Variants in SMG1 observed in about 807,000 individuals in gnomAD.
The protein encoded by SMG1 is serine/threonine-protein kinase SMG1.
SMG1 carries 22 observed loss-of-function variants against 419.9 expected under a neutral mutation model. That is an observed-to-expected ratio of 0.05 (90% confidence interval 0.04 to 0.07). The LOEUF (loss-of-function observed/expected upper bound fraction) is 0.07, where lower values mean the gene tolerates loss of function less well. Ranked by LOEUF, SMG1 falls within the 10% of genes least tolerant of loss-of-function variation. SMG1 has a pLI of 1.00. For missense variants in SMG1, 3,185 were observed against 4,342.0 expected (o/e 0.73, Z 7.49); for synonymous variants, 1,538 against 1,553.5 (o/e 0.99, Z 0.23).
At chr16:18,924,358 A>C (rs2038309727) in intron 1 of SMG1, among the ~76,000 whole-genome samples, 1 of 152,186 alleles carries the variant, frequency 6.6e-6, no homozygotes, top group Non-Finnish European at 1.5e-5. Flanking sequence ...TACCAACTAC[A>C]ATTTACACTT....
Position 18,900,168 on chromosome 16 carries a change from A to G in SMG1, c.93-3212T>C, listed in dbSNP as rs1321721041. On this transcript the variant is annotated intron_variant, in intron 1 of 62. Transcript: ENST00000446231. ...TTGAACTATGGTCCCATTAGGGTTC[A>G]TACATTAAAGCAAAAATTGAGGTGG... is the stretch of plus-strand genomic sequence containing the variant. The G allele has an allele frequency of 3.1e-5, 17 of 550,870 alleles. No individual in the cohort carries two copies. The East Asian group carries it at 4.3e-4, about 14-fold the overall frequency. 34.1% of individuals were successfully genotyped at this position (550,870 alleles called of 1,614,324 possible).
intron 28 of SMG1, 79 bp from the exon 29 acceptor site, chr16:18,858,369 C>T (rs1183748966): frequency 1.1e-5 from 14 of 1,313,380 alleles, no homozygotes; most frequent in East Asian, 7.4e-5. Flanking sequence ...GTCTTAAGTC[C>T]AAGACTGCAA....
Position 18,858,269 on chromosome 16 carries a change from T to C in SMG1, c.4135A>G (p.Ser1379Gly), listed in dbSNP as rs758638658. The part of the protein sequence containing the change: ...STEDCLIPLF[S>G]EALRSCKQHD... ...TGTTTACATGAACGTAAAGCTTCACTGAAGAGTGGAATAAGACAGTCCTGC... is the reference window on the plus strand; with the variant it reads ...TGTTTACATGAACGTAAAGCTTCACCGAAGAGTGGAATAAGACAGTCCTGC... Residue 1379 changes from serine (S) to glycine (G), a missense_variant, in exon 29 of 63, where the codon AGT becomes GGT. Transcript: ENST00000446231. 3.8e-5 allele frequency: 61 copies of C among 1,604,136 alleles called. No homozygotes were observed. The highest frequency in any genetic ancestry group is 4.4e-5 in the Non-Finnish European group (52 of 1,176,900).
At position 18,877,156 on chromosome 16, in the gene SMG1, A is replaced by G. The variant is rs1404366898; in HGVS notation, c.1595T>C (p.Phe532Ser). 2.6e-6 allele frequency: 4 copies of G among 1,555,166 alleles called. No homozygotes were observed. In the South Asian group the frequency reaches 4.6e-5, roughly 18 times the overall value. The change falls in exon 12 of 63, where the codon TTC becomes TCC. Residue 532 changes from phenylalanine (F) to serine (S), a missense_variant. Coordinates refer to ENST00000446231, the MANE Select transcript of SMG1 (RefSeq NM_015092.5). ...KLFIPSSKLLFLRYHKEKEVV... is the reference protein window; with the variant it reads ...KLFIPSSKLLSLRYHKEKEVV... ...CTCTTTTTCTTTATGATAACGCAAGAATAGTAGTTTAGATGATGGTATAAA... is the reference window on the plus strand; with the variant it reads ...CTCTTTTTCTTTATGATAACGCAAGGATAGTAGTTTAGATGATGGTATAAA...
Position 18,834,299 on chromosome 16 carries a change from G to T in SMG1, c.8470C>A (p.Gln2824Lys). 1 of 1,612,512 alleles carries T rather than the reference G, an allele frequency of 6.2e-7. No homozygotes were observed. Among genetic ancestry groups the T allele is most frequent in the Non-Finnish European group, 8.5e-7 (1 of 1,179,298 alleles). ...AAGTCCTGTGGCACCAGGTGGCACT[G>T]CTTCAGTAACTGAACCAAGCAGGTG... ...NVTCLVQLLK[Q>K]CHLVPQDLDI... Residue 2824 changes from glutamine (Q) to lysine (K), a missense_variant, in exon 50 of 63, where the codon CAG (glutamine) becomes AAG (lysine). Transcript: ENST00000446231.
At chr16:18,810,263 T>G (rs1348588265) in intron 62 of SMG1, among the ~76,000 whole-genome samples, 1 of 152,194 alleles carries the variant, frequency 6.6e-6, no homozygotes, top group Non-Finnish European at 1.5e-5. Flanking sequence ...TGTAAAATAC[T>G]GAGAAAGAAA....
At chr16:18,924,882 T>G (rs1486474470) in intron 1 of SMG1, 1 of 152,232 alleles carries the variant, frequency 6.6e-6, no homozygotes, top group Non-Finnish European at 1.5e-5. Context: ...TTCCAAATAC[T>G]GCTGGAATTA....
In SMG1 at chr16:18,926,065, C is replaced by G. The variant is rs760020117; in HGVS notation, c.-24G>C. ...ATTACCTTCCCCGACACGACATGGC[C>G]AAGCGCCGCCGCCCAAAGAAGCGCG... is the stretch of plus-strand genomic sequence containing the variant. On this transcript the variant is annotated 5_prime_UTR_variant, in exon 1 of 63. Coordinates refer to ENST00000446231, the MANE Select transcript of SMG1 (RefSeq NM_015092.5). 28 of 1,549,100 alleles carry G rather than the reference C, an allele frequency of 1.8e-5. No homozygotes were observed. Among genetic ancestry groups the G allele is most frequent in the Admixed American group, 5.6e-5 (3 of 53,612 alleles).
chr16:18,828,271 C>G (rs1200056776), intron 54 of SMG1, 103 bp from the exon 55 acceptor site: 2 of 1,165,804 alleles, frequency 1.7e-6, no homozygotes, highest in Non-Finnish European at 2.4e-6. Flanking sequence ...AGAAAAAAAT[C>G]CCAGCTGCAG....
chr16:18,821,217 G>GTT (rs2032501770), intron 55 of SMG1, among the ~76,000 whole-genome samples: 4 of 31,736 alleles, frequency 1.3e-4, no homozygotes, highest in African/African-American at 4.2e-4. Context: ...TATTTAGTAT[G>GTT]TTTCTTTTTT....
intron 6 of SMG1, among the ~76,000 whole-genome samples, chr16:18,886,855 T>C (rs1415874660): frequency 6.6e-6 from 1 of 152,182 alleles, no homozygotes; most frequent in Admixed American, 6.5e-5. Flanking sequence ...TGTTATAATC[T>C]ACACAGGCAC....
intron 1 of SMG1, among the ~76,000 whole-genome samples, chr16:18,904,502 G>T (rs1312098510): frequency 6.6e-6 from 1 of 151,702 alleles, no homozygotes; most frequent in Non-Finnish European, 1.5e-5. Flanking sequence ...CCTGCGTGTG[G>T]TGGCACGCAC....
At chr16:18,894,313 G>T (rs1410633194) in intron 3 of SMG1, among the ~76,000 whole-genome samples, 1 of 152,044 alleles carries the variant, frequency 6.6e-6, no homozygotes, top group Non-Finnish European at 1.5e-5. Context: ...TCTGAGAGAA[G>T]AATAGGGTTT....
chr16:18,880,713 A>G (rs1393842240), intron 10 of SMG1, among the ~76,000 whole-genome samples: 2 of 92,018 alleles, frequency 2.2e-5, no homozygotes, highest in African/African-American at 1.0e-4. Context: ...CATGTCTCCA[A>G]AAAAAAAAGG....
At chr16:18,923,037 G>A (rs1237875786) in intron 1 of SMG1, among the ~76,000 whole-genome samples, 3 of 152,166 alleles carry the variant, frequency 2.0e-5, no homozygotes, top group African/African-American at 4.8e-5. Flanking sequence ...AAGTATCTGT[G>A]CCACTGCACT....
At position 18,807,828 on chromosome 16, in the gene SMG1, C is replaced by T. The variant is rs1263426671; in HGVS notation, c.*1741G>A. The T allele has an allele frequency of 6.6e-6, 1 of 152,134 alleles. No homozygotes were observed. The highest frequency in any genetic ancestry group is 2.4e-5 in the African/African-American group (1 of 41,418). The allele number at this position is 152,134 out of a possible 1,614,324, so 9.4% of individuals were successfully genotyped here. ...AGGCTGGAGTGCAGTGGCACAATCT[C>T]GGCTCACTGCAAGCTCCGCCTCCTG... On this transcript the variant is annotated 3_prime_UTR_variant, in exon 63 of 63. Coordinates refer to ENST00000446231, the MANE Select transcript of SMG1 (RefSeq NM_015092.5).
Position 18,815,401 on chromosome 16 carries a change from A to T in SMG1, c.10514+39T>A, listed in dbSNP as rs1463311800. ...AAACTTCTTATACCAGTAGTTTTGT[A>T]CTTATGTTTTATAAATTCTGACCAG... On this transcript the variant is annotated intron_variant, in intron 59 of 62. Coordinates refer to ENST00000446231, the MANE Select transcript of SMG1 (RefSeq NM_015092.5). 2.5e-6 allele frequency: 4 copies of T among 1,601,728 alleles called. No individual in the cohort carries two copies. In the Admixed American group the frequency reaches 6.7e-5, roughly 27 times the overall value.
chr16:18,830,396 C>T (rs1267800565), intron 51 of SMG1, 27 bp from the exon 52 acceptor site: 2 of 1,612,192 alleles, frequency 1.2e-6, no homozygotes, highest in Non-Finnish European at 1.7e-6. Flanking sequence ...GGAGTTAAAA[C>T]CTTCGCTGAA....
At chr16:18,923,125 AG>A (rs1596673529) in intron 1 of SMG1, among the ~76,000 whole-genome samples, 1 of 152,128 alleles carries the variant, frequency 6.6e-6, no homozygotes, top group Non-Finnish European at 1.5e-5. Context: ...GTGAATGAAA[AG>A]GAAGACTATA....
Sources: allele counts gnomAD v4.1 joint callset (sites outside exome capture counted in the v4.1 genomes callset), GRCh38; gene constraint gnomAD v4.1.1; transcripts MANE v1.5; gene names NCBI Gene and HGNC (gene_info 2026-07-23, HGNC 2026-07-21).